DSCAM: variants seen among roughly 807,000 people sequenced by gnomAD.
DSCAM encodes the protein DS cell adhesion molecule.
Under a neutral mutation model 217.7 loss-of-function variants are expected in DSCAM, and 47 were observed. That is an observed-to-expected ratio of 0.22 (90% CI 0.17 to 0.28). DSCAM has a LOEUF of 0.28. Among genes scored for constraint, DSCAM ranks in the 10% least tolerant of loss-of-function variants. The pLI is 1.00. For synonymous variants in DSCAM, 1,056 were observed against 1,015.3 expected (o/e 1.04, Z -0.76); for missense variants, 2,080 against 2,618.3 (o/e 0.79, Z 4.49).
At chr21:40,377,387 G>A (rs2123719273) in intron 3 of DSCAM, among the ~76,000 whole-genome samples, 1 of 152,118 alleles carries the variant, frequency 6.6e-6, no homozygotes, top group African/African-American at 2.4e-5. Context: ...GGCAAGCGGA[G>A]GTACAACCAG....
chr21:40,804,250 G>C (rs1278675167), intron 1 of DSCAM, among the ~76,000 whole-genome samples: 1 of 152,202 alleles, frequency 6.6e-6, no homozygotes, highest in Non-Finnish European at 1.5e-5. Flanking sequence ...GGAGCACAGA[G>C]TCCATGCACC....
At chr21:40,165,965 G>A (rs1233852817) in intron 16 of DSCAM, among the ~76,000 whole-genome samples, 1 of 152,118 alleles carries the variant, frequency 6.6e-6, no homozygotes, top group African/African-American at 2.4e-5. Flanking sequence ...TCCTCGGCCT[G>A]CACTTTCTAT....
chr21:40,461,179 G>T (rs574294329), intron 3 of DSCAM, among the ~76,000 whole-genome samples: 13 of 152,142 alleles, frequency 8.5e-5, no homozygotes, highest in African/African-American at 2.7e-4. Context: ...TACCACTTCT[G>T]CAAATAAATT....
intron 11 of DSCAM, among the ~76,000 whole-genome samples, chr21:40,225,206 T>C (rs751075265): frequency 3.3e-4 from 51 of 152,308 alleles, no homozygotes; most frequent in Middle Eastern, 3.4e-3. Context: ...AGTGTACACA[T>C]ATGCGTACTT....
At chr21:40,440,775 C>T (rs2075623075) in intron 3 of DSCAM, among the ~76,000 whole-genome samples, 1 of 146,848 alleles carries the variant, frequency 6.8e-6, no homozygotes, top group Non-Finnish European at 1.5e-5. Context: ...AGCAACGTAG[C>T]CTCAGGGCTA....
intron 11 of DSCAM, among the ~76,000 whole-genome samples, chr21:40,237,483 T>G (rs532550149): frequency 2.9e-4 from 44 of 152,116 alleles, no homozygotes; most frequent in Non-Finnish European, 5.4e-4. Context: ...TCTGTTCTTG[T>G]GTTAGTTTGC....
chr21:40,282,815 A>G (rs910560357), intron 10 of DSCAM, among the ~76,000 whole-genome samples: 48 of 152,182 alleles, frequency 3.2e-4, no homozygotes, highest in African/African-American at 1.1e-3. Context: ...ATCACAACAT[A>G]AAATTAACTA....
At chr21:40,644,304 A>G (rs113631390) in intron 3 of DSCAM, among the ~76,000 whole-genome samples, 1 of 152,244 alleles carries the variant, frequency 6.6e-6, no homozygotes, top group African/African-American at 2.4e-5. Context: ...TTGGTGAGTC[A>G]AGTGGTTTAT....
chr21:40,054,594 A>G (rs915306399), intron 29 of DSCAM, among the ~76,000 whole-genome samples: 1 of 152,224 alleles, frequency 6.6e-6, no homozygotes, highest in Non-Finnish European at 1.5e-5. Context: ...GACTCATGCC[A>G]GCAAACACCT....
intron 1 of DSCAM, among the ~76,000 whole-genome samples, chr21:40,742,463 G>A (rs1282420090): frequency 6.6e-6 from 1 of 152,214 alleles, no homozygotes; most frequent in Non-Finnish European, 1.5e-5. Flanking sequence ...TACAGACTCT[G>A]AAAGGACATG....
intron 3 of DSCAM, among the ~76,000 whole-genome samples, chr21:40,678,132 A>G (rs2090361224): frequency 6.6e-6 from 1 of 152,178 alleles, no homozygotes; most frequent in Non-Finnish European, 1.5e-5. Flanking sequence ...TACAGTTTTC[A>G]ATGAACTTCT....
intron 1 of DSCAM, among the ~76,000 whole-genome samples, chr21:40,760,992 G>A (rs1404191608): frequency 6.6e-6 from 1 of 152,192 alleles, no homozygotes; most frequent in African/African-American, 2.4e-5. Flanking sequence ...AGCACAACTT[G>A]GAGTTTGGCT....
chr21:40,258,516 C>T (rs545528906), intron 11 of DSCAM, among the ~76,000 whole-genome samples: 44 of 152,348 alleles, frequency 2.9e-4, no homozygotes, highest in Admixed American at 1.5e-3. Context: ...AGACTTTCCT[C>T]CCCATCTAAA....
chr21:40,490,238 T>C (rs773022782), intron 3 of DSCAM, among the ~76,000 whole-genome samples: 3 of 152,156 alleles, frequency 2.0e-5, no homozygotes, highest in Non-Finnish European at 4.4e-5. Flanking sequence ...GTGGGAATTA[T>C]GGGAGATAAA....
chr21:40,100,579 G>C (rs2089737349), intron 20 of DSCAM, among the ~76,000 whole-genome samples: 1 of 150,666 alleles, frequency 6.6e-6, no homozygotes, highest in Non-Finnish European at 1.5e-5. Context: ...GGATCACTTT[G>C]ATTTCCAGAT....
rs560313619 is a variant in DSCAM, at chr21:40,481,916, G to A, written c.509-112671C>T. On this transcript the variant is annotated intron_variant, in intron 3 of 32. Coordinates refer to ENST00000400454, the MANE Select transcript of DSCAM (RefSeq NM_001389.5). The stretch of plus-strand genomic sequence containing the variant: ...GCAAATGAAAGGCAGAGCTAGACCC[G>A]GAACACACGTGCACTGCTTATTGAT... Among the ~76,000 whole-genome samples the A allele has an allele frequency of 4.6e-5, 7 of 152,220 alleles. No individual in the cohort carries two copies. In the East Asian group the frequency reaches 5.8e-4, roughly 13 times the overall value.
intron 1 of DSCAM, among the ~76,000 whole-genome samples, chr21:40,809,188 C>T (rs1020618422): frequency 2.0e-5 from 3 of 152,128 alleles, no homozygotes; most frequent in Non-Finnish European, 4.4e-5. Context: ...GCACAGCCAC[C>T]ACCACGATAA....
At chr21:40,444,473 A>G (rs747677761) in intron 3 of DSCAM, among the ~76,000 whole-genome samples, 20 of 152,204 alleles carry the variant, frequency 1.3e-4, no homozygotes, top group Non-Finnish European at 2.4e-4. Flanking sequence ...GGCAAGTCCA[A>G]CCTAAACCGG....
chr21:40,841,099 C>T (rs1463246362), intron 1 of DSCAM, among the ~76,000 whole-genome samples: 1 of 152,140 alleles, frequency 6.6e-6, no homozygotes, highest in East Asian at 1.9e-4. Context: ...ACCACAGACT[C>T]CATCAAGGAA....
Sources: allele counts gnomAD v4.1 joint callset (sites outside exome capture counted in the v4.1 genomes callset), GRCh38; gene constraint gnomAD v4.1.1; transcripts MANE v1.5; gene names NCBI Gene and HGNC (gene_info 2026-07-23, HGNC 2026-07-21).